GALNT13: variants seen among roughly 807,000 people sequenced by gnomAD.
GALNT13 encodes the protein UDP-GalNAc:polypeptide N-acetylgalactosaminyltransferase 13.
In GALNT13, 28 loss-of-function variants were observed where a neutral mutation model predicts 64.2. The observed-to-expected ratio is 0.44, with a 90% confidence interval of 0.32 to 0.60. GALNT13 has a LOEUF of 0.60. Among genes scored for constraint, GALNT13 ranks in the 20% least tolerant of loss-of-function variants. The pLI is 0.05. For synonymous variants in GALNT13, 214 were observed against 224.6 expected (o/e 0.95, Z 0.42); for missense variants, 577 against 669.8 (o/e 0.86, Z 1.53).
At chr2:153,249,128 A>T in the GALNT13 span, among the ~76,000 whole-genome samples, 15 of 152,150 alleles carry the variant, frequency 9.9e-5, no homozygotes, top group Admixed American at 9.8e-4. Flanking sequence ...TATCTAGAAA[A>T]CCCCATCATC....
chr2:153,618,443 A>G, the GALNT13 span, among the ~76,000 whole-genome samples: 1 of 151,894 alleles, frequency 6.6e-6, no homozygotes, highest in Non-Finnish European at 1.5e-5. Flanking sequence ...TACCTAAAAT[A>G]TGGTCTGTCC....
chr2:154,058,839 C>A (rs894057275), intron 3 of GALNT13, among the ~76,000 whole-genome samples: 4 of 151,966 alleles, frequency 2.6e-5, no homozygotes, highest in Non-Finnish European at 5.9e-5. Context: ...AAGAGAGGAA[C>A]CATTGTAGGG....
chr2:153,707,340 ATCAT>A, the GALNT13 span, among the ~76,000 whole-genome samples: 1 of 152,208 alleles, frequency 6.6e-6, no homozygotes, highest in Non-Finnish European at 1.5e-5. Context: ...TATTATACAC[ATCAT>A]TCATCCTAAT....
At chr2:153,573,460 A>C in the GALNT13 span, among the ~76,000 whole-genome samples, 1 of 152,012 alleles carries the variant, frequency 6.6e-6, no homozygotes, top group Non-Finnish European at 1.5e-5. Context: ...ATTATGAACA[A>C]GTAAGGACTT....
At chr2:153,224,897 A>C in the GALNT13 span, among the ~76,000 whole-genome samples, 1 of 152,212 alleles carries the variant, frequency 6.6e-6, no homozygotes, top group African/African-American at 2.4e-5. Flanking sequence ...TCACAGTCAA[A>C]GCTCCAAAAA....
the GALNT13 span, among the ~76,000 whole-genome samples, chr2:153,263,661 C>G: frequency 2.0e-5 from 3 of 152,086 alleles, no homozygotes; most frequent in Non-Finnish European, 4.4e-5. Context: ...CAATAATCTG[C>G]TCTTTGATGA....
chr2:153,890,013 A>T (rs540265535), intron 1 of GALNT13, among the ~76,000 whole-genome samples: 11 of 151,888 alleles, frequency 7.2e-5, no homozygotes, highest in African/African-American at 2.7e-4. Context: ...CTGAAGTCTC[A>T]TACTATCAAG....
At chr2:153,858,409 A>G in the GALNT13 span, among the ~76,000 whole-genome samples, 1 of 152,166 alleles carries the variant, frequency 6.6e-6, no homozygotes, top group East Asian at 1.9e-4. Context: ...CTTGGGTTTA[A>G]TAATAGATTC....
chr2:153,136,040 C>G, the GALNT13 span, among the ~76,000 whole-genome samples: 1 of 151,954 alleles, frequency 6.6e-6, no homozygotes, highest in African/African-American at 2.4e-5. Context: ...ATGTGCTTCC[C>G]TAGAAACTTC....
At chr2:153,185,201 T>G in the GALNT13 span, among the ~76,000 whole-genome samples, 1 of 152,206 alleles carries the variant, frequency 6.6e-6, no homozygotes, top group Non-Finnish European at 1.5e-5. Flanking sequence ...AGGGTACATG[T>G]GTCCAGGGAT....
the GALNT13 span, among the ~76,000 whole-genome samples, chr2:153,193,514 T>C: frequency 6.6e-6 from 1 of 151,476 alleles, no homozygotes; most frequent in African/African-American, 2.4e-5. Flanking sequence ...AGTTAGTGGG[T>C]GCAGTGCACC....
chr2:153,551,288 A>G, the GALNT13 span, among the ~76,000 whole-genome samples: 1 of 152,216 alleles, frequency 6.6e-6, no homozygotes, highest in South Asian at 2.1e-4. Context: ...TTCTCATGAC[A>G]GAGGATCTGG....
At chr2:153,252,872 G>A in the GALNT13 span, among the ~76,000 whole-genome samples, 3 of 152,170 alleles carry the variant, frequency 2.0e-5, no homozygotes, top group Admixed American at 6.5e-5. Context: ...GGTTACTGTA[G>A]CCTTGTAGTA....
chr2:153,993,208 T>G (rs1320622155), intron 3 of GALNT13, among the ~76,000 whole-genome samples: 9 of 152,126 alleles, frequency 5.9e-5, no homozygotes, highest in Non-Finnish European at 1.3e-4. Flanking sequence ...TATATTAAGT[T>G]TTTATGTGCT....
the GALNT13 span, among the ~76,000 whole-genome samples, chr2:153,230,258 A>G: frequency 6.6e-6 from 1 of 152,088 alleles, no homozygotes; most frequent in Non-Finnish European, 1.5e-5. Flanking sequence ...TGTTTTTCTA[A>G]TTTTCTTATA....
At chr2:154,253,469 A>G (rs917082410) in intron 7 of GALNT13, among the ~76,000 whole-genome samples, 31 of 152,138 alleles carry the variant, frequency 2.0e-4, no homozygotes, top group African/African-American at 7.2e-4. Context: ...TTACTATTTT[A>G]CATAGTTACA....
the GALNT13 span, among the ~76,000 whole-genome samples, chr2:153,455,379 G>A: frequency 1.3e-5 from 2 of 152,172 alleles, no homozygotes; most frequent in African/African-American, 2.4e-5. Context: ...GGGGTGCCTC[G>A]TTTACTCAGC....
chr2:153,152,230 C>A, the GALNT13 span, among the ~76,000 whole-genome samples: 1 of 151,896 alleles, frequency 6.6e-6, no homozygotes, highest in East Asian at 1.9e-4. Context: ...ATTAAAAATG[C>A]TGATTTAGCA....
chr2:154,128,602 A>G (rs1682431662), intron 3 of GALNT13, among the ~76,000 whole-genome samples: 1 of 152,130 alleles, frequency 6.6e-6, no homozygotes, highest in African/African-American at 2.4e-5. Context: ...GGTCAATAAA[A>G]TGTTGGAATG....
Sources: gnomAD v4.1 joint callset for allele counts (sites outside exome capture counted in the v4.1 genomes callset) on GRCh38, gnomAD v4.1.1 for gene constraint, MANE v1.5 for transcripts, NCBI Gene and HGNC (gene_info 2026-07-23, HGNC 2026-07-21) for gene names.